AMPH: variants seen among roughly 807,000 people sequenced by gnomAD.
AMPH encodes the protein amphiphysin.
A neutral mutation model predicts 99.1 loss-of-function variants in AMPH; 49 were observed. That is an observed-to-expected ratio of 0.49 (90% CI 0.39 to 0.63). AMPH has a LOEUF of 0.63. Among genes scored for constraint, AMPH ranks in the 20% least tolerant of loss-of-function variants. The pLI, the probability that AMPH is intolerant of heterozygous loss-of-function variation, is 0.00. For synonymous variants in AMPH, 314 were observed against 317.3 expected (o/e 0.99, Z 0.11); for missense variants, 759 against 863.4 (o/e 0.88, Z 1.52).
At chr7:38,464,072 C>T (rs934462442) in intron 9 of AMPH, 25 of 1,289,634 alleles carry the variant, frequency 1.9e-5, no homozygotes, top group Non-Finnish European at 2.3e-5. Flanking sequence ...AATAGAGATG[C>T]CACTGAGCTC....
chr7:38,441,665 T>C (rs1199453069), intron 11 of AMPH, among the ~76,000 whole-genome samples: 2 of 150,920 alleles, frequency 1.3e-5, no homozygotes, highest in East Asian at 1.9e-4. Context: ...CGCAGCAATA[T>C]TCACAACAGC....
intron 1 of AMPH, among the ~76,000 whole-genome samples, chr7:38,575,818 C>G (rs184984793): frequency 2.6e-4 from 40 of 152,330 alleles, no homozygotes; most frequent in African/African-American, 9.6e-4. Flanking sequence ...CTCTCGATCG[C>G]TGCCCAGGCT....
chr7:38,384,557 G>T lies in AMPH; in HGVS notation c.*261C>A. On this transcript the variant is annotated 3_prime_UTR_variant, in exon 21 of 21. Coordinates refer to ENST00000356264, the MANE Select transcript of AMPH (RefSeq NM_001635.4). ...TTTAGAATTGGTGGGAGGGGATCAA[G>T]TACAAGAGTCTCCACAGCTTGGACA... 2.7e-6 allele frequency: 1 copy of T among 373,454 alleles called. No homozygotes were observed. The allele number at this position is 373,454 out of a possible 1,614,324, so 23.1% of individuals were successfully genotyped here.
chr7:38,415,447 T>C (rs1785348180), intron 17 of AMPH, among the ~76,000 whole-genome samples: 1 of 152,196 alleles, frequency 6.6e-6, no homozygotes, highest in African/African-American at 2.4e-5. Flanking sequence ...ACAATGTGGA[T>C]TTTTGTTTTT....
chr7:38,579,445 T>G (rs1183476250), intron 1 of AMPH, among the ~76,000 whole-genome samples: 1 of 152,200 alleles, frequency 6.6e-6, no homozygotes, highest in African/African-American at 2.4e-5. Context: ...ACCAATCAAG[T>G]TGGCTTCATT....
At position 38,410,896 on chromosome 7, in the gene AMPH, C is replaced by T. The variant is rs180844438; in HGVS notation, c.1398+6929G>A. Among the ~76,000 whole-genome samples the T allele has an allele frequency of 1.6e-3, 246 of 152,324 alleles. 1 individual carries two copies. The highest frequency in any genetic ancestry group is 5.7e-3 in the African/African-American group (235 of 41,582). On this transcript the variant is annotated intron_variant, in intron 17 of 20. Coordinates refer to ENST00000356264, the MANE Select transcript of AMPH (RefSeq NM_001635.4). ...TCATTTCAACTCCTCAGCCACAAAC[C>T]AGGAACATCCATCAAGTCTAAGCAT...
At chr7:38,628,935 CAT>C (rs1794357571) in intron 1 of AMPH, among the ~76,000 whole-genome samples, 2 of 152,184 alleles carry the variant, frequency 1.3e-5, no homozygotes, top group Non-Finnish European at 2.9e-5. Flanking sequence ...GGAGCCTAAA[CAT>C]ATGCAAGCTT....
intron 17 of AMPH, among the ~76,000 whole-genome samples, chr7:38,403,777 G>T (rs1050110031): frequency 6.6e-6 from 1 of 152,226 alleles, no homozygotes; most frequent in African/African-American, 2.4e-5. Context: ...TCATGGAAAA[G>T]AGGCCATTTC....
chr7:38,614,469 T>C (rs1022743016), intron 1 of AMPH, among the ~76,000 whole-genome samples: 1 of 152,192 alleles, frequency 6.6e-6, no homozygotes, highest in African/African-American at 2.4e-5. Flanking sequence ...GAAGCAGATA[T>C]AGAACACGCA....
intron 1 of AMPH, among the ~76,000 whole-genome samples, chr7:38,629,265 G>A (rs1794370637): frequency 6.6e-6 from 1 of 152,140 alleles, no homozygotes; most frequent in Admixed American, 6.5e-5. Context: ...ATGCTACACA[G>A]ACTCAGAAAG....
chr7:38,441,430 T>C (rs1003899714), intron 11 of AMPH, among the ~76,000 whole-genome samples: 1 of 152,122 alleles, frequency 6.6e-6, no homozygotes, highest in Admixed American at 6.6e-5. Context: ...ATATATTCTT[T>C]TCAAGTGCAC....
intron 17 of AMPH, among the ~76,000 whole-genome samples, chr7:38,400,289 G>C (rs964532653): frequency 6.6e-6 from 1 of 152,100 alleles, no homozygotes; most frequent in Non-Finnish European, 1.5e-5. Flanking sequence ...TGTTGGCCAG[G>C]CTGGTCTTGA....
intron 1 of AMPH, 30 bp from the exon 2 acceptor site, chr7:38,535,041 AT>A (rs1562812955): frequency 6.3e-7 from 1 of 1,579,032 alleles, no homozygotes; most frequent in South Asian, 1.1e-5. Context: ...AAATGGTTTA[AT>A]TTAATAATGT....
At chr7:38,558,309 G>C (rs992752526) in intron 1 of AMPH, among the ~76,000 whole-genome samples, 2 of 152,174 alleles carry the variant, frequency 1.3e-5, no homozygotes, top group Non-Finnish European at 2.9e-5. Context: ...ATATACCAGG[G>C]GTTCTGCACC....
At chr7:38,514,879 G>C (rs1270116172) in intron 2 of AMPH, among the ~76,000 whole-genome samples, 1 of 152,186 alleles carries the variant, frequency 6.6e-6, no homozygotes, top group Non-Finnish European at 1.5e-5. Flanking sequence ...ACAAATACCT[G>C]AAAATGCAGA....
rs1787930692 is a variant in AMPH at position 38,472,715 on chromosome 7, T to C, written c.590+2616A>G. Among the ~76,000 whole-genome samples the C allele has an allele frequency of 3.3e-5, 5 of 152,198 alleles. No individual in the cohort carries two copies. The South Asian group carries it at 1.0e-3, about 31-fold the overall frequency. On this transcript the variant is annotated intron_variant, in intron 7 of 20. Coordinates refer to ENST00000356264, the MANE Select transcript of AMPH (RefSeq NM_001635.4). ...CAGGTTTTGATCGAAAGGCAGGATC[T>C]GGATTGAAAAACTAGTTTTGACTGA...
At chr7:38,612,082 T>G in intron 1 of AMPH, among the ~76,000 whole-genome samples, 1 of 119,582 alleles carries the variant, frequency 8.4e-6, no homozygotes, top group East Asian at 2.1e-4. Flanking sequence ...ATTTTTTGTC[T>G]TCTTCTTTTT....
chr7:38,485,446 T>C (rs1048192417), intron 5 of AMPH, among the ~76,000 whole-genome samples: 1 of 151,850 alleles, frequency 6.6e-6, no homozygotes, highest in African/African-American at 2.4e-5. Context: ...ATATAAAGCA[T>C]CTATATATGT....
rs574057389 is a variant in AMPH, at chr7:38,392,377, C to CTTTTT, written c.1609-365_1609-361dup. 8.4e-3 allele frequency among the ~76,000 whole-genome samples: 353 copies of CTTTTT among 42,046 alleles called. 41 individuals are homozygous for CTTTTT. The highest frequency in any genetic ancestry group is 1.0e-2 in the African/African-American group (92 of 9,246). The allele number at this position is 42,046 out of a possible 152,430, so 27.6% of individuals were successfully genotyped here. On this transcript the variant is annotated intron_variant, in intron 18 of 20. Coordinates refer to ENST00000356264, the MANE Select transcript of AMPH (RefSeq NM_001635.4). ...GGAGTCAATGCAGGCCGGCCTGGTT[C>CTTTTT]TTTTTTTTTTTTTTTTTTTTTTTTT...
Sources: gnomAD v4.1 joint callset for allele counts (sites outside exome capture counted in the v4.1 genomes callset) on GRCh38, gnomAD v4.1.1 for gene constraint, MANE v1.5 for transcripts, NCBI Gene and HGNC (gene_info 2026-07-23, HGNC 2026-07-21) for gene names.